DNAAF11: variants seen among roughly 807,000 people sequenced by gnomAD.
DNAAF11 encodes the protein leucine rich repeat containing 6.
DNAAF11 carries 45 observed loss-of-function variants against 60.8 expected under a neutral mutation model. The ratio of observed to expected loss-of-function variants is 0.74; its 90% CI spans 0.58 to 0.95. The LOEUF (loss-of-function observed/expected upper bound fraction) is 0.95, where lower values mean the gene tolerates loss of function less well. DNAAF11 is among the 40% of genes least tolerant of loss of function. DNAAF11 has a pLI of 0.00. For synonymous variants in DNAAF11, 191 were observed against 183.5 expected (o/e 1.04, Z -0.33); for missense variants, 546 against 546.2 (o/e 1.00, Z 0.00).
chr8:132,673,724 T>C (rs889733746), intron 1 of DNAAF11, among the ~76,000 whole-genome samples: 2 of 152,034 alleles, frequency 1.3e-5, no homozygotes, highest in Non-Finnish European at 2.9e-5. Context: ...CAGAGAAGCC[T>C]CCACCCACCT....
chr8:132,674,132 GGAGAAGGAGGAGGAA>G (rs1825491431), intron 1 of DNAAF11, among the ~76,000 whole-genome samples: 3 of 143,502 alleles, frequency 2.1e-5, no homozygotes, highest in Admixed American at 6.8e-5. Context: ...AGGAGGAGGA[GGAGAAGGAGGAGGAA>G]GAGGAGGAGG....
chr8:132,658,316 G>A (rs1247199452), intron 2 of DNAAF11, among the ~76,000 whole-genome samples: 2 of 152,014 alleles, frequency 1.3e-5, no homozygotes, highest in Non-Finnish European at 2.9e-5. Context: ...TCAAAGATTT[G>A]GAGGTTTCTT....
At chr8:132,592,788 G>A (rs1035809817) in intron 10 of DNAAF11, among the ~76,000 whole-genome samples, 1 of 152,046 alleles carries the variant, frequency 6.6e-6, no homozygotes. Flanking sequence ...TTGAATTTGA[G>A]GTATGAAGGA....
At chr8:132,663,188 C>T (rs1353426259) in intron 1 of DNAAF11, among the ~76,000 whole-genome samples, 2 of 152,158 alleles carry the variant, frequency 1.3e-5, no homozygotes, top group African/African-American at 4.8e-5. Flanking sequence ...CAGCCTGGCT[C>T]GCTGGGAACC....
intron 8 of DNAAF11, among the ~76,000 whole-genome samples, chr8:132,613,508 T>A (rs557831379): frequency 6.6e-6 from 1 of 152,220 alleles, no homozygotes; most frequent in African/African-American, 2.4e-5. Flanking sequence ...AACAGATTAG[T>A]GGTTGCCATG....
intron 11 of DNAAF11, among the ~76,000 whole-genome samples, chr8:132,576,541 G>T (rs1814768236): frequency 6.6e-6 from 1 of 152,164 alleles, no homozygotes; most frequent in South Asian, 2.1e-4. Flanking sequence ...TGAAAGGGAT[G>T]TGTTGTTGTT....
chr8:132,674,226 GAGA>G (rs1224985561), intron 1 of DNAAF11, among the ~76,000 whole-genome samples: 3 of 151,312 alleles, frequency 2.0e-5, no homozygotes, highest in Admixed American at 6.6e-5. Flanking sequence ...GGAGGAGAAG[GAGA>G]AGAAGAAAAA....
intron 10 of DNAAF11, among the ~76,000 whole-genome samples, chr8:132,596,166 T>C (rs575829765): frequency 6.6e-6 from 1 of 152,290 alleles, no homozygotes; most frequent in African/African-American, 2.4e-5. Flanking sequence ...TGACCATGAA[T>C]TCATGTGGCC....
At position 132,651,122 on chromosome 8, in the gene DNAAF11, G is replaced by A. The variant is rs1309211012; in HGVS notation, c.256+5708C>T. 4.6e-5 allele frequency among the ~76,000 whole-genome samples: 7 copies of A among 152,070 alleles called. No homozygotes were observed. In the South Asian group the frequency reaches 1.5e-3, roughly 32 times the overall value. On this transcript the variant is annotated intron_variant, in intron 3 of 11. Transcript: ENST00000620350. ...AGATCCAGCTCAGTGACCCTCTGGG[G>A]TCTAAAAATCTTGGAAATCACCAAC...
intron 1 of DNAAF11, 98 bp downstream of exon 1, chr8:132,675,386 G>C: frequency 1.5e-6 from 2 of 1,365,586 alleles, no homozygotes; most frequent in East Asian, 2.7e-5. Flanking sequence ...CGGGGGAACC[G>C]ACAGCGCAGG....
chr8:132,630,174 T>C (rs1271745472), intron 5 of DNAAF11, among the ~76,000 whole-genome samples: 2 of 152,176 alleles, frequency 1.3e-5, no homozygotes, highest in East Asian at 1.9e-4. Context: ...AGTAAAGAAC[T>C]AAAAATAGCC....
chr8:132,678,808 T>G (rs959722799), upstream of DNAAF11, among the ~76,000 whole-genome samples: 1 of 151,476 alleles, frequency 6.6e-6, no homozygotes, highest in East Asian at 1.9e-4. Flanking sequence ...AAAAATAAAT[T>G]TTTATTCTTG....
chr8:132,609,859 TC>T (rs1257368055), intron 10 of DNAAF11, among the ~76,000 whole-genome samples: 1 of 152,200 alleles, frequency 6.6e-6, no homozygotes, highest in Non-Finnish European at 1.5e-5. Flanking sequence ...GCAGGAAATA[TC>T]CCAACTCATT....
chr8:132,658,143 T>C (rs942358883), intron 2 of DNAAF11, among the ~76,000 whole-genome samples: 1 of 152,218 alleles, frequency 6.6e-6, no homozygotes, highest in African/African-American at 2.4e-5. Context: ...TTTGTTTCCA[T>C]AGACCTGAAC....
At chr8:132,608,857 A>G (rs541487811) in intron 10 of DNAAF11, among the ~76,000 whole-genome samples, 1 of 152,310 alleles carries the variant, frequency 6.6e-6, no homozygotes, top group African/African-American at 2.4e-5. Context: ...TGTATTTGCT[A>G]TTTTATTGCC....
chr8:132,604,489 C>A (rs1368082722), intron 10 of DNAAF11, among the ~76,000 whole-genome samples: 1 of 152,140 alleles, frequency 6.6e-6, no homozygotes, highest in African/African-American at 2.4e-5. Flanking sequence ...CAAAGGAAAT[C>A]ATGAAGCATA....
At chr8:132,587,656 G>A (rs964064792) in intron 10 of DNAAF11, among the ~76,000 whole-genome samples, 16 of 152,092 alleles carry the variant, frequency 1.1e-4, no homozygotes, top group African/African-American at 3.1e-4. Flanking sequence ...AAGTTGTAAG[G>A]GCCAAAATAT....
chr8:132,675,193 C>A, intron 1 of DNAAF11: 1 of 403,990 alleles, frequency 2.5e-6, no homozygotes, highest in Non-Finnish European at 4.5e-6. Context: ...TGCACGTTCC[C>A]CGACCCCTTT....
intron 10 of DNAAF11, among the ~76,000 whole-genome samples, chr8:132,599,991 A>G (rs1208874947): frequency 3.4e-5 from 5 of 148,408 alleles, no homozygotes; most frequent in African/African-American, 5.0e-5. Context: ...TTGTCCCTGT[A>G]TGCAGATAAC....
Sources: gnomAD v4.1 joint callset for allele counts (sites outside exome capture counted in the v4.1 genomes callset) on GRCh38, gnomAD v4.1.1 for gene constraint, MANE v1.5 for transcripts, NCBI Gene and HGNC (gene_info 2026-07-23, HGNC 2026-07-21) for gene names.